The following DOCK4 variants were observed in gnomAD, a reference collection of about 807,000 sequenced individuals.
DOCK4 encodes the protein dedicator of cytokinesis protein 4.
Under a neutral mutation model 268.1 loss-of-function variants are expected in DOCK4, and 97 were observed. The observed-to-expected ratio is 0.36, with a 90% CI of 0.31 to 0.43. The LOEUF (loss-of-function observed/expected upper bound fraction) is 0.43. Ranked by LOEUF, DOCK4 falls within the 20% of genes least tolerant of loss-of-function variation. The probability of loss-of-function intolerance (pLI) is 1.00; values close to 1 mark genes in which losing one functional copy is unlikely to be tolerated. For missense variants in DOCK4, 2,145 were observed against 2,455.7 expected, an observed-to-expected ratio of 0.87 and a Z score of 2.67; for synonymous variants, 954 against 887.2, an observed-to-expected ratio of 1.08 and a Z score of -1.34.
At chr7:111,760,858 A>G (rs954020789) in intron 39 of DOCK4, among the ~76,000 whole-genome samples, 1 of 151,824 alleles carries the variant, frequency 6.6e-6, no homozygotes, top group African/African-American at 2.4e-5. Flanking sequence ...AGACAGCTGG[A>G]AAGATGGGAA....
At chr7:111,793,945 A>C (rs2133821517) in intron 30 of DOCK4, among the ~76,000 whole-genome samples, 1 of 152,216 alleles carries the variant, frequency 6.6e-6, no homozygotes, top group African/African-American at 2.4e-5. Flanking sequence ...GCTGGCAATG[A>C]GGGTGGCTTG....
At chr7:111,904,752 C>A in intron 13 of DOCK4, among the ~76,000 whole-genome samples, 1 of 152,094 alleles carries the variant, frequency 6.6e-6, no homozygotes. Context: ...TATTAGAAAC[C>A]TCTGGGTCTC....
chr7:111,876,612 C>G (rs927934088), intron 17 of DOCK4, among the ~76,000 whole-genome samples: 1 of 152,102 alleles, frequency 6.6e-6, no homozygotes, highest in African/African-American at 2.4e-5. Context: ...GCTAAACAAT[C>G]ACTGACATAA....
In DOCK4 at chr7:112,197,593, A is replaced by G. The variant is rs898693428; in HGVS notation, c.37+8509T>C. Among the ~76,000 whole-genome samples, 9 of 152,214 alleles carry G rather than the reference A, an allele frequency of 5.9e-5. No individual in the cohort carries two copies. In the East Asian group the frequency reaches 1.3e-3, roughly 23 times the overall value. On this transcript the variant is annotated intron_variant, in intron 1 of 52. Transcript: ENST00000428084. ...AAAAGACTGTAAAATGTAGTTTACG[A>G]CCAACTCTAAATGGACAGCTAATAT...
chr7:111,894,201 G>A (rs1442261486), intron 16 of DOCK4, among the ~76,000 whole-genome samples: 2 of 142,582 alleles, frequency 1.4e-5, no homozygotes, highest in Non-Finnish European at 3.0e-5. Context: ...CAGCCTGGGC[G>A]ACAGAGCAAG....
intron 1 of DOCK4, among the ~76,000 whole-genome samples, chr7:112,146,641 AG>A (rs1158535443): frequency 6.6e-6 from 1 of 152,148 alleles, no homozygotes; most frequent in Non-Finnish European, 1.5e-5. Context: ...CTGAGGCAGG[AG>A]GATCACCTGA....
Position 112,005,237 on chromosome 7 carries a change from GTA to G in DOCK4, c.38-1108_38-1107del, listed in dbSNP as rs549067302. Reference sequence around the variant, plus strand: ...ATAAGTTATTGCTACTGTTGGGAATGTATATTTTAAAAACCTAAAGGAACACA... The same window carrying G: ...ATAAGTTATTGCTACTGTTGGGAATGTATTTTAAAAACCTAAAGGAACACA... On this transcript the variant is annotated intron_variant, in intron 1 of 52. Coordinates refer to ENST00000428084, the MANE Select transcript of DOCK4 (RefSeq NM_001363540.2). Among the ~76,000 whole-genome samples the G allele has an allele frequency of 1.1e-4, 16 of 152,270 alleles. No individual in the cohort carries two copies. The South Asian group carries it at 2.9e-3, about 28-fold the overall frequency.
At chr7:112,103,823 A>G (rs1470413720) in intron 1 of DOCK4, among the ~76,000 whole-genome samples, 1 of 152,216 alleles carries the variant, frequency 6.6e-6, no homozygotes, top group East Asian at 1.9e-4. Context: ...CGAAGGTTGC[A>G]GTGAGCTGAG....
At chr7:112,036,411 G>GA (rs1563018115) in intron 1 of DOCK4, among the ~76,000 whole-genome samples, 1 of 151,984 alleles carries the variant, frequency 6.6e-6, no homozygotes, top group Admixed American at 6.6e-5. Context: ...TGTGAAACCT[G>GA]AAAAAAAGAA....
chr7:111,929,280 A>T (rs916564994), intron 12 of DOCK4, among the ~76,000 whole-genome samples: 1 of 152,222 alleles, frequency 6.6e-6, no homozygotes, highest in Non-Finnish European at 1.5e-5. Context: ...ACACACATAC[A>T]TATATAAATG....
chr7:112,015,697 T>C (rs1474932088), intron 1 of DOCK4, among the ~76,000 whole-genome samples: 1 of 152,240 alleles, frequency 6.6e-6, no homozygotes, highest in Admixed American at 6.5e-5. Flanking sequence ...AGGAAGTTAA[T>C]GTTGAAAAAA....
In DOCK4 at chr7:111,945,783, C is replaced by G. The variant is rs1455500043; in HGVS notation, c.717G>C (p.Leu239Phe). Residue 239 changes from leucine (L) to phenylalanine (F), a missense_variant, in exon 9 of 53, where the codon TTG (leucine) becomes TTC (phenylalanine). This residue lies in a region of DOCK4 where 1,598 missense variants were observed against 1,986.7 expected (regional missense o/e 0.80). Transcript: ENST00000428084. ...TGGGAAGCCCGTTTCTATTCAGCCT[C>G]AAGAAAAATCTCTCACTACAAGAGA... ...ENRPISERFF[L>F]RLNRNGLPKA... 7 of 1,590,108 alleles carry G rather than the reference C, an allele frequency of 4.4e-6. No individual in the cohort carries two copies. The highest frequency in any genetic ancestry group is 1.3e-5 in the African/African-American group (1 of 74,598).
chr7:112,073,094 C>G (rs996095440), intron 1 of DOCK4, among the ~76,000 whole-genome samples: 10 of 152,040 alleles, frequency 6.6e-5, no homozygotes, highest in African/African-American at 2.4e-4. Flanking sequence ...CTGCTTGGCC[C>G]TCTTCCAAGA....
At chr7:111,864,334 G>T (rs537500557) in intron 22 of DOCK4, among the ~76,000 whole-genome samples, 1 of 151,890 alleles carries the variant, frequency 6.6e-6, no homozygotes, top group African/African-American at 2.4e-5. Context: ...ATTGGGCTAG[G>T]ATTGTACACC....
chr7:111,748,466 C>T (rs1233208832), intron 42 of DOCK4, among the ~76,000 whole-genome samples: 1 of 152,114 alleles, frequency 6.6e-6, no homozygotes, highest in Admixed American at 6.6e-5. Context: ...AATTAAACAA[C>T]CACTTACAAA....
chr7:111,741,572 G>A lies in DOCK4; in HGVS notation c.4887C>T (p.Ser1629=). 6.2e-7 allele frequency: 1 copy of A among 1,613,410 alleles called. No individual in the cohort carries two copies. The highest frequency in any genetic ancestry group is 8.5e-7 in the Non-Finnish European group (1 of 1,179,682). ...VCRNSAPASV[S]PDGTRVIPRR... ...TAGGAATTACCCTGGTACCATCTGG[G>A]CTCACAGAAGCAGGTGCTGAGTTTC... Residue 1629 remains serine (S), a synonymous_variant, in exon 46 of 53, where the codon AGC becomes AGT. Coordinates refer to ENST00000428084, the MANE Select transcript of DOCK4 (RefSeq NM_001363540.2).
intron 7 of DOCK4, among the ~76,000 whole-genome samples, chr7:111,983,858 G>GCACACACACACACACA (rs1300676029): frequency 4.4e-5 from 4 of 90,020 alleles, no homozygotes; most frequent in South Asian, 8.4e-4. Flanking sequence ...GCGCGCGCGC[G>GCACACACACACACACA]CGCGCACACA....
At chr7:111,960,523 CTTTTTT>C (rs753880464) in intron 8 of DOCK4, among the ~76,000 whole-genome samples, 5 of 78,512 alleles carry the variant, frequency 6.4e-5, no homozygotes, top group African/African-American at 2.1e-4. Flanking sequence ...ACCTCATGTG[CTTTTTT>C]TTTTTTTTTT....
At chr7:111,741,267 A>T (rs201619405) in intron 46 of DOCK4, 53 bp from the exon 47 acceptor site, 1 of 1,606,854 alleles carries the variant, frequency 6.2e-7, no homozygotes, top group African/African-American at 1.3e-5. Context: ...ATTGTACTTT[A>T]TCATGTGCTA....
Sources: gnomAD v4.1 joint callset for allele counts (sites outside exome capture counted in the v4.1 genomes callset) on GRCh38, gnomAD v4.1.1 for gene constraint, gnomAD v4.1.1 regional missense constraint, MANE v1.5 for transcripts, NCBI Gene and HGNC (gene_info 2026-07-23, HGNC 2026-07-21) for gene names.